Variants in MMEL1 observed in about 807,000 individuals in gnomAD.
MMEL1 encodes membrane metallo-endopeptidase-like 1.
MMEL1 carries 98 observed loss-of-function variants against 117.1 expected under a neutral mutation model. The ratio of observed to expected loss-of-function variants is 0.84; its 90% CI spans 0.71 to 0.99. The LOEUF (loss-of-function observed/expected upper bound fraction) is 0.99. MMEL1 is among the 50% of genes least tolerant of loss of function. The pLI is 0.00. For synonymous variants in MMEL1, 390 were observed against 415.1 expected (o/e 0.94, Z 0.74); for missense variants, 1,014 against 1,049.1 (o/e 0.97, Z 0.46).
intron 2 of MMEL1, among the ~76,000 whole-genome samples, chr1:2,622,162 A>G (rs1453045425): frequency 6.6e-6 from 1 of 152,214 alleles, no homozygotes; most frequent in Non-Finnish European, 1.5e-5. Flanking sequence ...ACTGTAGCCC[A>G]GGCAAACTGA....
intron 14 of MMEL1, 97 bp from the exon 15 acceptor site, chr1:2,596,204 G>C: frequency 8.4e-7 from 1 of 1,195,528 alleles, no homozygotes; most frequent in Non-Finnish European, 1.2e-6. Flanking sequence ...GCCCCGCCGG[G>C]GCAAGGCCCA....
chr1:2,626,437 G>A (rs1171147825), intron 2 of MMEL1, among the ~76,000 whole-genome samples: 1 of 152,258 alleles, frequency 6.6e-6, no homozygotes, highest in African/African-American at 2.4e-5. Flanking sequence ...AAATATTTGA[G>A]GCTTTGTGGG....
rs930867499 is a variant in MMEL1 at position 2,629,320 on chromosome 1, C to T, written c.154+11G>A. ...CACGGGGACAGGCGGGGGCGGGGCA[C>T]CCGCACTCACCTCTGCGGTCGGCGT... On this transcript the variant is annotated intron_variant, in intron 2 of 23. Transcript: ENST00000378412. 2.0e-6 allele frequency: 3 copies of T among 1,525,746 alleles called. No individual in the cohort carries two copies. Among genetic ancestry groups the T allele is most frequent in the Non-Finnish European group, 1.8e-6 (2 of 1,138,604 alleles). The allele number at this position is 1,525,746 out of a possible 1,614,324, so 94.5% of individuals were successfully genotyped here.
intron 5 of MMEL1, 118 bp downstream of exon 5, chr1:2,609,552 C>T (rs574480198): frequency 3.4e-5 from 52 of 1,514,090 alleles, no homozygotes; most frequent in East Asian, 1.6e-4. Context: ...CTCTCCTCTG[C>T]GCCCACTGGA....
chr1:2,606,254 G>C lies in MMEL1; in HGVS notation c.744C>G (p.Ile248Met). 4 of 1,613,112 alleles carry C rather than the reference G, an allele frequency of 2.5e-6. No homozygotes were observed. Among genetic ancestry groups the C allele is most frequent in the Non-Finnish European group, 3.4e-6 (4 of 1,179,672 alleles). The change falls in exon 8 of 24, where the codon ATC becomes ATG. Residue 248 changes from isoleucine (I) to methionine (M), a missense_variant. Transcript: ENST00000378412. ...WNDDQNSSRH[I>M]IYIDQPTLGM... Reference sequence around the variant, plus strand: ...CCACCGGCGCGGCTCGTACGTAGATGATGTGCCGGCTGGAGTTCTGGTCGT... The same window carrying C: ...CCACCGGCGCGGCTCGTACGTAGATCATGTGCCGGCTGGAGTTCTGGTCGT...
chr1:2,593,923 G>T lies in MMEL1; in HGVS notation c.1758C>A (p.Ala586=). 6.2e-7 allele frequency: 1 copy of T among 1,607,388 alleles called. No individual in the cohort carries two copies. Among genetic ancestry groups the T allele is most frequent in the South Asian group, 1.1e-5 (1 of 90,448 alleles). Residue 586 remains alanine (A), a synonymous_variant, in exon 19 of 24, where the codon GCC becomes GCA. Transcript: ENST00000378412. Reference sequence around the variant, plus strand: ...TGAAGAAGGGGGGCTGGAGGATCCCGGCAGGGAATACTGTCCCCAAGGGCG... The same window carrying T: ...TGAAGAAGGGGGGCTGGAGGATCCCTGCAGGGAATACTGTCCCCAAGGGCG... The part of the protein sequence containing the change: ...SPNRNQIVFP[A]GILQPPFFSK...
Position 2,595,153 on chromosome 1 carries a change from G to A in MMEL1, c.1584+123C>T. ...GCTGGAGCCACCACCCTAGGGCACG[G>A]TGAGGACAGCTGTGTTAGCGCCTGG... On this transcript the variant is annotated intron_variant, in intron 16 of 23. Coordinates refer to ENST00000378412, the MANE Select transcript of MMEL1 (RefSeq NM_033467.4). This position sits in a 1 kb window ranked among gnomAD's most constrained non-coding sequence, Gnocchi z 4.8. 1.1e-6 allele frequency: 1 copy of A among 882,866 alleles called. No individual in the cohort carries two copies. The highest frequency in any genetic ancestry group is 1.8e-6 in the Non-Finnish European group (1 of 560,452). The allele number at this position is 882,866 out of a possible 1,614,324, so 54.7% of individuals were successfully genotyped here. A position where few individuals can be genotyped will look rare whatever the true frequency, so the allele number is the denominator to read the frequency against.
intron 11 of MMEL1, 50 bp from the exon 12 acceptor site, chr1:2,598,840 A>G (rs986736286): frequency 2.6e-6 from 4 of 1,516,006 alleles, no homozygotes; most frequent in Non-Finnish European, 9.1e-7. Flanking sequence ...AGAGGGAGAA[A>G]CAGTTCCTGG....
chr1:2,624,511 A>C (rs1365020348), intron 2 of MMEL1, among the ~76,000 whole-genome samples: 1 of 152,230 alleles, frequency 6.6e-6, no homozygotes, highest in African/African-American at 2.4e-5. Context: ...CTCATATACC[A>C]AATGGTGCAA....
At position 2,605,539 on chromosome 1, in the gene MMEL1, G is replaced by A. The variant is rs1557536472; in HGVS notation, c.816+19C>T. The A allele has an allele frequency of 8.1e-6, 13 of 1,606,554 alleles. No homozygotes were observed. Among genetic ancestry groups the A allele is most frequent in the African/African-American group, 1.3e-5 (1 of 74,914 alleles). On this transcript the variant is annotated intron_variant, in intron 9 of 23. Coordinates refer to ENST00000378412, the MANE Select transcript of MMEL1 (RefSeq NM_033467.4). ...GGTGATGGGGGGGTCATCTGGCATTGCGGTGAGGACCCACCCACCTTCCGG... is the reference window on the plus strand; with the variant it reads ...GGTGATGGGGGGGTCATCTGGCATTACGGTGAGGACCCACCCACCTTCCGG...
Position 2,595,638 on chromosome 1 carries a change from G to A in MMEL1, c.1501-279C>T, listed in dbSNP as rs1644823991. ...CCGGGTGGGGGCAGGGGCCCTGGAG[G>A]GGTCACTCGGCTGCCGTCTGTCACT... On this transcript the variant is annotated intron_variant, in intron 15 of 23. Transcript: ENST00000378412. This position sits in a 1 kb window ranked among gnomAD's most constrained non-coding sequence, Gnocchi z 4.8. 6.6e-6 allele frequency among the ~76,000 whole-genome samples: 1 copy of A among 152,148 alleles called. No homozygotes were observed. Among genetic ancestry groups the A allele is most frequent in the South Asian group, 2.1e-4 (1 of 4,834 alleles).
At chr1:2,631,941 G>A (rs1448262989) in intron 1 of MMEL1, among the ~76,000 whole-genome samples, 1 of 152,196 alleles carries the variant, frequency 6.6e-6, no homozygotes, top group Non-Finnish European at 1.5e-5. Flanking sequence ...CCTGTAACTA[G>A]AATCAGAGGC....
In MMEL1 at chr1:2,604,240, C is replaced by T. The variant is rs138787733; in HGVS notation, c.858G>A (p.Thr286=). The change falls in exon 10 of 24, where the codon ACG becomes ACA. Residue 286 remains threonine, a synonymous_variant. Coordinates refer to ENST00000378412, the MANE Select transcript of MMEL1 (RefSeq NM_033467.4). ...GCAGGTTTGCATCCTCCCGCAGCAA[C>T]GTGGCCACTGACACCATGAACTGCA... is the stretch of plus-strand genomic sequence containing the variant. ...AYLQFMVSVA[T]LLREDANLPR... 2.4e-4 allele frequency: 385 copies of T among 1,612,856 alleles called. No individual in the cohort carries two copies. The highest frequency in any genetic ancestry group is 1.3e-3 in the African/African-American group (95 of 75,058).
intron 1 of MMEL1, 41 bp downstream of exon 1, chr1:2,632,825 C>T (rs999718514): frequency 9.8e-5 from 96 of 982,642 alleles, no homozygotes; most frequent in Non-Finnish European, 1.1e-4. Flanking sequence ...GTTTCAAGGC[C>T]CAGGAAAGCA....
At chr1:2,613,175 C>A (rs1238052698) in intron 2 of MMEL1, among the ~76,000 whole-genome samples, 1 of 152,228 alleles carries the variant, frequency 6.6e-6, no homozygotes, top group Non-Finnish European at 1.5e-5. Flanking sequence ...GAGCCCCCCG[C>A]CCGGTGGAAA....
At position 2,611,302 on chromosome 1, in the gene MMEL1, T is replaced by C; in HGVS notation, c.271A>G (p.Thr91Ala). The change falls in exon 4 of 24, where the codon ACC becomes GCC. Residue 91 changes from threonine to alanine, a missense_variant. By Grantham distance (58) the Thr-to-Ala change is moderately conservative. Coordinates refer to ENST00000378412, the MANE Select transcript of MMEL1 (RefSeq NM_033467.4). ...EAQEVSEVCT[T>A]PGCVIAAARI... The stretch of plus-strand genomic sequence containing the variant: ...TTACCTGCTATCACGCAGCCAGGGG[T>C]GGTGCAGACCTCGCTCACCTCTTGG... 6.4e-7 allele frequency: 1 copy of C among 1,574,068 alleles called. No individual in the cohort carries two copies. The highest frequency in any genetic ancestry group is 8.6e-7 in the Non-Finnish European group (1 of 1,162,096).
At position 2,598,787 on chromosome 1, in the gene MMEL1, A is replaced by AC. The variant is rs1644886850; in HGVS notation, c.1044_1045insG (p.Phe349ValfsTer2). 6.2e-7 allele frequency: 1 copy of AC among 1,609,444 alleles called. No homozygotes were observed. Among genetic ancestry groups the AC allele is most frequent in the Non-Finnish European group, 8.5e-7 (1 of 1,176,372 alleles). ...GTTTGTATGAACAGAGTCCAGTTAA[A>AC]TCCCTGCAGATAGAGGAAGTGGGGA... is the stretch of plus-strand genomic sequence containing the variant. On this transcript the variant is annotated frameshift_variant, in exon 12 of 24. Coordinates refer to ENST00000378412, the MANE Select transcript of MMEL1 (RefSeq NM_033467.4). LOFTEE classifies it high-confidence loss of function.
intron 1 of MMEL1, among the ~76,000 whole-genome samples, chr1:2,631,863 G>A (rs943181215): frequency 6.6e-6 from 1 of 152,082 alleles, no homozygotes; most frequent in Admixed American, 6.5e-5. Context: ...CCTGTTCCAG[G>A]CCCCACCAAT....
rs1315181273 is a variant in MMEL1 at position 2,595,521 on chromosome 1, C to T, written c.1501-162G>A. Among the ~76,000 whole-genome samples the T allele has an allele frequency of 6.6e-6, 1 of 152,140 alleles. No homozygotes were observed. Among genetic ancestry groups the T allele is most frequent in the Non-Finnish European group, 1.5e-5 (1 of 68,002 alleles). On this transcript the variant is annotated intron_variant, in intron 15 of 23. Transcript: ENST00000378412. This position sits in a 1 kb window ranked among gnomAD's most constrained non-coding sequence, Gnocchi z 4.8. ...GGGGCTGGGGGGCTCCGGGATCTGG[C>T]CCCCACCTTGCAGGCTCTGGGGAGG...
Sources: allele counts gnomAD v4.1 joint callset (sites outside exome capture counted in the v4.1 genomes callset), GRCh38; gene constraint gnomAD v4.1.1; non-coding constraint Gnocchi (gnomAD v3.1); transcripts MANE v1.5; gene names NCBI Gene and HGNC (gene_info 2026-07-23, HGNC 2026-07-21).